NFIA: variants seen among roughly 807,000 people sequenced by gnomAD.
NFIA encodes nuclear factor 1 A-type.
NFIA carries 8 observed loss-of-function variants against 62.8 expected under a neutral mutation model. That is an observed-to-expected ratio of 0.13 (90% confidence interval 0.07 to 0.23). The LOEUF is 0.23. Among genes scored for constraint, NFIA ranks in the 10% least tolerant of loss-of-function variants. The probability of loss-of-function intolerance (pLI) is 1.00; values close to 1 mark genes in which losing one functional copy is unlikely to be tolerated. For synonymous variants in NFIA, 235 were observed against 238.1 expected, an observed-to-expected ratio of 0.99 and a Z score of 0.12; for missense variants, 410 against 642.1, an observed-to-expected ratio of 0.64 and a Z score of 3.91.
At chr1:61,356,608 A>G (rs1662966828) in intron 5 of NFIA, among the ~76,000 whole-genome samples, 1 of 152,228 alleles carries the variant, frequency 6.6e-6, no homozygotes, top group Non-Finnish European at 1.5e-5. Flanking sequence ...CGCTGTGTAT[A>G]TCGTCTTATA....
At chr1:61,253,848 A>G (rs905349296) in intron 2 of NFIA, among the ~76,000 whole-genome samples, 15 of 152,332 alleles carry the variant, frequency 9.8e-5, no homozygotes, top group Admixed American at 9.8e-4. Context: ...AAAAAAATAA[A>G]GCAGTGACTA....
chr1:61,108,461 T>C (rs1484848998), intron 2 of NFIA, among the ~76,000 whole-genome samples: 1 of 151,704 alleles, frequency 6.6e-6, no homozygotes, highest in African/African-American at 2.4e-5. Context: ...ATTTACATAT[T>C]TTTAGCCAAT....
chr1:61,238,530 A>G (rs17377253), intron 2 of NFIA, among the ~76,000 whole-genome samples: 10,375 of 152,188 alleles, frequency 0.068, 414 homozygotes, highest in Middle Eastern at 0.11. Flanking sequence ...TTGCAAGTCA[A>G]TGGAGAATTG....
At chr1:61,271,217 G>A (rs1054738615) in intron 2 of NFIA, among the ~76,000 whole-genome samples, 1 of 152,012 alleles carries the variant, frequency 6.6e-6, no homozygotes, top group Non-Finnish European at 1.5e-5. Flanking sequence ...TTTTCTCAAC[G>A]TGTTAGAACT....
intron 3 of NFIA, among the ~76,000 whole-genome samples, chr1:61,279,160 A>G (rs564418208): frequency 1.3e-5 from 2 of 152,214 alleles, no homozygotes; most frequent in South Asian, 4.2e-4. Flanking sequence ...TCTCCATCCA[A>G]TCTTTTGGAA....
chr1:61,354,763 A>C (rs1014594862), intron 5 of NFIA, among the ~76,000 whole-genome samples: 1 of 152,200 alleles, frequency 6.6e-6, no homozygotes, highest in African/African-American at 2.4e-5. Context: ...CCTGGCATTT[A>C]GTGTTTGCCG....
chr1:61,318,312 G>A (rs1037985187), intron 3 of NFIA, among the ~76,000 whole-genome samples: 2 of 152,078 alleles, frequency 1.3e-5, no homozygotes, highest in African/African-American at 4.8e-5. Context: ...GTAATAAGTC[G>A]CTGAGGAGAA....
chr1:61,114,210 T>C (rs990002526), intron 2 of NFIA, among the ~76,000 whole-genome samples: 1 of 152,198 alleles, frequency 6.6e-6, no homozygotes, highest in Admixed American at 6.5e-5. Context: ...ATAAAACACA[T>C]GTTATTTCTT....
intron 2 of NFIA, chr1:61,132,901 G>T (rs1326668405): frequency 6.6e-6 from 1 of 152,112 alleles, no homozygotes; most frequent in Non-Finnish European, 1.5e-5. Flanking sequence ...ATTTCCTGTC[G>T]ATCTTTCATT....
chr1:61,401,932 A>G (rs1665574908), intron 7 of NFIA, among the ~76,000 whole-genome samples: 1 of 151,648 alleles, frequency 6.6e-6, no homozygotes, highest in Non-Finnish European at 1.5e-5. Flanking sequence ...AGAGATGACC[A>G]GAGCCATTTA....
intron 2 of NFIA, among the ~76,000 whole-genome samples, chr1:61,222,451 A>G (rs540512983): frequency 5.9e-5 from 9 of 152,072 alleles, no homozygotes; most frequent in Non-Finnish European, 1.0e-4. Context: ...ATGCAGATGT[A>G]TTCAGCTCTA....
At chr1:61,276,238 G>A (rs1239283125) in intron 2 of NFIA, among the ~76,000 whole-genome samples, 2 of 152,118 alleles carry the variant, frequency 1.3e-5, no homozygotes, top group Non-Finnish European at 2.9e-5. Context: ...ATCTTCGTTT[G>A]CTTAAAAGCA....
chr1:61,332,729 T>A, intron 4 of NFIA, 143 bp downstream of exon 4: 1 of 630,192 alleles, frequency 1.6e-6, no homozygotes, highest in Non-Finnish European at 2.7e-6. Context: ...ACAGTTTGTT[T>A]GACAACCAAG....
rs545528912 is a variant in NFIA, at chr1:61,379,695, C to T, written c.947-3542C>T. 6.6e-5 allele frequency among the ~76,000 whole-genome samples: 10 copies of T among 151,968 alleles called. No individual in the cohort carries two copies. The South Asian group carries it at 1.0e-3, about 16-fold the overall frequency. On this transcript the variant is annotated intron_variant, in intron 6 of 10. Coordinates refer to ENST00000403491, the MANE Select transcript of NFIA (RefSeq NM_001134673.4). Reference sequence around the variant, plus strand: ...TGCTGGGATTACAGGCATGAGCCACCGTGCCTGGCCTCAGCTAACTTTTAA... The same window carrying T: ...TGCTGGGATTACAGGCATGAGCCACTGTGCCTGGCCTCAGCTAACTTTTAA...
chr1:61,289,075 T>C (rs1005054050), intron 3 of NFIA, among the ~76,000 whole-genome samples: 2 of 152,136 alleles, frequency 1.3e-5, no homozygotes, highest in African/African-American at 2.4e-5. Flanking sequence ...TGGAGTAAGC[T>C]TCTAAGAAAA....
intron 2 of NFIA, among the ~76,000 whole-genome samples, chr1:61,250,852 G>A (rs953861484): frequency 7.9e-5 from 12 of 152,170 alleles, no homozygotes; most frequent in Non-Finnish European, 1.5e-4. Flanking sequence ...GAAAAACTTT[G>A]TTGAAAAATC....
intron 2 of NFIA, among the ~76,000 whole-genome samples, chr1:61,101,264 G>A (rs1014758235): frequency 6.6e-6 from 1 of 151,922 alleles, no homozygotes; most frequent in Non-Finnish European, 1.5e-5. Context: ...GTGTGGTGGT[G>A]CATGCCTGCG....
intron 4 of NFIA, among the ~76,000 whole-genome samples, chr1:61,337,669 C>A (rs12134760): frequency 0.11 from 17,306 of 152,194 alleles, 1,020 homozygotes; most frequent in South Asian, 0.16. Flanking sequence ...ATGGCTCTTA[C>A]ATGATGCTGC....
chr1:61,141,407 C>T (rs1263894417), intron 2 of NFIA, among the ~76,000 whole-genome samples: 1 of 99,820 alleles, frequency 1.0e-5, no homozygotes, highest in South Asian at 3.8e-4. Flanking sequence ...GACTGGTCCC[C>T]TTTACTCAGG....
Sources: gnomAD v4.1 joint callset for allele counts (sites outside exome capture counted in the v4.1 genomes callset) on GRCh38, gnomAD v4.1.1 for gene constraint, MANE v1.5 for transcripts, NCBI Gene and HGNC (gene_info 2026-07-23, HGNC 2026-07-21) for gene names.